Variants in BICC1 observed in about 807,000 individuals in gnomAD.
BICC1 encodes the protein BicC family RNA binding protein 1.
BICC1 carries 43 observed loss-of-function variants against 111.0 expected under a neutral mutation model. That is an observed-to-expected ratio of 0.39 (90% CI 0.30 to 0.50). The LOEUF (loss-of-function observed/expected upper bound fraction) is 0.50, where lower values mean the gene tolerates loss of function less well. Ranked by LOEUF, BICC1 falls within the 20% of genes least tolerant of loss-of-function variation. The probability of loss-of-function intolerance (pLI) is 0.88; values close to 1 mark genes in which losing one functional copy is unlikely to be tolerated. For synonymous variants in BICC1, 467 were observed against 434.4 expected, an observed-to-expected ratio of 1.07 and a Z score of -0.93; for missense variants, 1,091 against 1,203.2, an observed-to-expected ratio of 0.91 and a Z score of 1.38.
At chr10:58,566,249 C>A (rs1383438339) in intron 1 of BICC1, among the ~76,000 whole-genome samples, 1 of 148,644 alleles carries the variant, frequency 6.7e-6, no homozygotes, top group Non-Finnish European at 1.5e-5. Context: ...TACACACGTG[C>A]ATATACATAC....
rs1192922225 is a variant in BICC1 at position 58,732,375 on chromosome 10, GTATGTATATATATATATATATATATA to G, written c.307+30236_307+30261del. Among the ~76,000 whole-genome samples the G allele has an allele frequency of 1.5e-3, 9 of 6,084 alleles. 1 individual carries two copies. The highest frequency in any genetic ancestry group is 0.01 in the Admixed American group (4 of 386). The allele number at this position is 6,084 out of a possible 152,430, so 4.0% of individuals were successfully genotyped here. A position where few individuals can be genotyped will look rare whatever the true frequency, so the allele number is the denominator to read the frequency against. On this transcript the variant is annotated intron_variant, in intron 3 of 20. Transcript: ENST00000373886. ...TGTATGTGTGTGTGTGTGTGTGTGT[GTATGTATATATATATATATATATATA>G]TATATATATATATATATATATATAT... is the stretch of plus-strand genomic sequence containing the variant.
At chr10:58,673,327 A>G (rs889442022) in intron 2 of BICC1, among the ~76,000 whole-genome samples, 4 of 152,186 alleles carry the variant, frequency 2.6e-5, no homozygotes, top group Non-Finnish European at 1.5e-5. Context: ...CTGGGAAGGA[A>G]TCAGTTCCAA....
intron 3 of BICC1, among the ~76,000 whole-genome samples, chr10:58,763,436 ATATTT>A (rs1842373846): frequency 6.6e-6 from 1 of 152,156 alleles, no homozygotes; most frequent in South Asian, 2.1e-4. Flanking sequence ...GAAGAAGAAA[ATATTT>A]TGAGGTACAA....
chr10:58,796,702 G>T (rs1028414575), intron 10 of BICC1, among the ~76,000 whole-genome samples, 176 bp downstream of exon 10: 32 of 152,042 alleles, frequency 2.1e-4, no homozygotes, highest in Admixed American at 2.1e-3. Context: ...CTTAGTCTCT[G>T]TGGATTTGTT....
At chr10:58,671,337 A>G (rs1385670410) in intron 2 of BICC1, among the ~76,000 whole-genome samples, 1 of 152,156 alleles carries the variant, frequency 6.6e-6, no homozygotes, top group Non-Finnish European at 1.5e-5. Flanking sequence ...CAGTAACCCA[A>G]GATTCTTCCA....
At chr10:58,549,238 G>C (rs551183549) in intron 1 of BICC1, among the ~76,000 whole-genome samples, 15 of 152,038 alleles carry the variant, frequency 9.9e-5, no homozygotes, top group African/African-American at 3.1e-4. Context: ...TCCAGCTCTT[G>C]ACCAGTATAA....
chr10:58,592,539 C>T (rs1252458316), intron 1 of BICC1, among the ~76,000 whole-genome samples: 6 of 128,910 alleles, frequency 4.7e-5, no homozygotes, highest in Admixed American at 2.6e-4. Context: ...GGTGAAACCC[C>T]GTCTCTACTA....
intron 1 of BICC1, among the ~76,000 whole-genome samples, chr10:58,535,355 T>C (rs1195202980): frequency 6.6e-6 from 1 of 151,128 alleles, no homozygotes; most frequent in Non-Finnish European, 1.5e-5. Flanking sequence ...AGGTAACCTA[T>C]TAAGGAAAAC....
intron 1 of BICC1, among the ~76,000 whole-genome samples, chr10:58,537,741 T>C (rs1053490545): frequency 6.6e-6 from 1 of 151,626 alleles, no homozygotes; most frequent in African/African-American, 2.4e-5. Context: ...CCCTGACTCC[T>C]CCAAAGAATC....
At chr10:58,739,477 G>C (rs987011139) in intron 3 of BICC1, among the ~76,000 whole-genome samples, 1 of 152,000 alleles carries the variant, frequency 6.6e-6, no homozygotes, top group African/African-American at 2.4e-5. Context: ...TGCTGTATTC[G>C]GTTTGCCAGT....
chr10:58,530,356 T>C (rs932351692), intron 1 of BICC1, among the ~76,000 whole-genome samples: 1 of 151,798 alleles, frequency 6.6e-6, no homozygotes, highest in Non-Finnish European at 1.5e-5. Flanking sequence ...ATCCCTAAAT[T>C]GTCCACCTAA....
At chr10:58,712,618 C>T (rs1840612064) in intron 3 of BICC1, among the ~76,000 whole-genome samples, 1 of 152,154 alleles carries the variant, frequency 6.6e-6, no homozygotes. Flanking sequence ...AGGCTACATA[C>T]TTTATGATTT....
intron 2 of BICC1, among the ~76,000 whole-genome samples, chr10:58,642,315 C>T (rs978747669): frequency 6.6e-6 from 1 of 152,098 alleles, no homozygotes; most frequent in Non-Finnish European, 1.5e-5. Flanking sequence ...TTTTCATGTA[C>T]TGAGTACTGT....
intron 15 of BICC1, among the ~76,000 whole-genome samples, 158 bp from the exon 16 acceptor site, chr10:58,806,426 G>A (rs1405022070): frequency 6.6e-6 from 1 of 152,050 alleles, no homozygotes; most frequent in African/African-American, 2.4e-5. Flanking sequence ...TAAACTTACA[G>A]ACATACCTTG....
Position 58,693,464 on chromosome 10 carries a change from T to G in BICC1, c.238-8610T>G, listed in dbSNP as rs549045408. On this transcript the variant is annotated intron_variant, in intron 2 of 20. Transcript: ENST00000373886. ...GACTTCCACAATGGTTGAACTAGTT[T>G]ACAGTCCCACCAACAGAGTAAAAGT... Among the ~76,000 whole-genome samples, 21 of 152,358 alleles carry G rather than the reference T, an allele frequency of 1.4e-4. No homozygotes were observed. In the East Asian group the frequency reaches 3.9e-3, roughly 28 times the overall value.
chr10:58,532,231 G>A (rs928230276), intron 1 of BICC1, among the ~76,000 whole-genome samples: 2 of 151,590 alleles, frequency 1.3e-5, no homozygotes, highest in Admixed American at 6.6e-5. Flanking sequence ...CTCAGTGGAA[G>A]CATCGCAGGA....
chr10:58,746,769 G>A (rs1325581201), intron 3 of BICC1, among the ~76,000 whole-genome samples: 1 of 152,082 alleles, frequency 6.6e-6, no homozygotes, highest in East Asian at 1.9e-4. Flanking sequence ...GTCAATGATT[G>A]CATATAACAA....
intron 3 of BICC1, among the ~76,000 whole-genome samples, chr10:58,727,393 C>A (rs1175708356): frequency 6.6e-6 from 1 of 151,978 alleles, no homozygotes; most frequent in Non-Finnish European, 1.5e-5. Flanking sequence ...TCGAGACCAG[C>A]CTGTGTACCA....
At chr10:58,698,586 G>A (rs1840135350) in intron 2 of BICC1, among the ~76,000 whole-genome samples, 1 of 152,150 alleles carries the variant, frequency 6.6e-6, no homozygotes, top group South Asian at 2.1e-4. Context: ...CATGATGGCG[G>A]TTGGCTTATC....
Sources: allele counts gnomAD v4.1 joint callset (sites outside exome capture counted in the v4.1 genomes callset), GRCh38; gene constraint gnomAD v4.1.1; transcripts MANE v1.5; gene names NCBI Gene and HGNC (gene_info 2026-07-23, HGNC 2026-07-21).